Variants in SETX observed in about 807,000 individuals in gnomAD.
SETX encodes the protein senataxin.
Under a neutral mutation model 227.2 loss-of-function variants are expected in SETX, and 90 were observed. That is an observed-to-expected ratio of 0.40 (90% confidence interval 0.33 to 0.47). The LOEUF (loss-of-function observed/expected upper bound fraction) is 0.47, where lower values mean the gene tolerates loss of function less well. Among genes scored for constraint, SETX ranks in the 20% least tolerant of loss-of-function variants. SETX has a pLI of 0.91. For missense variants in SETX, 3,052 were observed against 3,181.5 expected (o/e 0.96, Z 0.98); for synonymous variants, 1,210 against 1,113.2 (o/e 1.09, Z -1.73).
chr9:132,338,574 C>A lies in SETX; in HGVS notation c.499-2059G>T, dbSNP rs1564559376. ...TGCATGACCTCTCCAAAATTGTATT[C>A]TCAGGCTATCACACAAAAATAAAAT... On this transcript the variant is annotated intron_variant, in intron 5 of 25. Coordinates refer to ENST00000224140, the MANE Select transcript of SETX (RefSeq NM_015046.7). 2.0e-5 allele frequency among the ~76,000 whole-genome samples: 3 copies of A among 152,240 alleles called. No homozygotes were observed. The South Asian group carries it at 6.2e-4, about 32-fold the overall frequency.
At chr9:132,320,056 A>C (rs1369394717) in intron 10 of SETX, among the ~76,000 whole-genome samples, 1 of 152,214 alleles carries the variant, frequency 6.6e-6, no homozygotes, top group Non-Finnish European at 1.5e-5. Context: ...GTATCCAATT[A>C]ACACTTTTAT....
rs147888830 is a variant in SETX, at chr9:132,269,309, C to T, written c.7287+306G>A. 694 of 887,092 alleles carry T rather than the reference C, an allele frequency of 7.8e-4. 3 individuals are homozygous for T. The African/African-American group carries it at 0.011, about 14-fold the overall frequency. The allele number at this position is 887,092 out of a possible 1,614,324, so 55.0% of individuals were successfully genotyped here. On this transcript the variant is annotated intron_variant, in intron 25 of 25. Coordinates refer to ENST00000224140, the MANE Select transcript of SETX (RefSeq NM_015046.7). ...ACATTTACTGAGTGTTTACTAAGTG[C>T]CAAGCAATTGCTTTGGCACTTTACA...
At position 132,326,892 on chromosome 9, in the gene SETX, G is replaced by A. The variant is rs1846822737; in HGVS notation, c.4706C>T (p.Ser1569Phe). The change falls in exon 10 of 26, where the codon TCT becomes TTT. Residue 1569 changes from serine to phenylalanine, a missense_variant. This residue lies in a region of SETX where 1,483 missense variants were observed against 1,312.0 expected (regional missense o/e 1.13). Transcript: ENST00000224140. ...KNQGEYCPKH[S>F]EVKAADEDVF... is the part of the protein sequence containing the mutation. Reference sequence around the variant, plus strand: ...ATCTTCATCTGCTGCTTTCACTTCAGAGTGTTTTGGGCAGTATTCACCCTG... The same window carrying A: ...ATCTTCATCTGCTGCTTTCACTTCAAAGTGTTTTGGGCAGTATTCACCCTG... 1.2e-6 allele frequency: 2 copies of A among 1,614,050 alleles called. No individual in the cohort carries two copies.
chr9:132,286,358 G>A, intron 18 of SETX, 65 bp downstream of exon 18: 2 of 1,151,722 alleles, frequency 1.7e-6, no homozygotes, highest in South Asian at 1.3e-5. Context: ...TGTCTGAACA[G>A]TCATACTTAA....
chr9:132,328,022 A>T lies in SETX; in HGVS notation c.3576T>A (p.Asp1192Glu), dbSNP rs1185193. The stretch of plus-strand genomic sequence containing the variant: ...TACTTTTAAAATCATTTCCCACAAG[A>T]TCTCTCTTATTAGTATCAGACTGGC... Reference protein sequence around the residue: ...NEGQSDTNKRDLVGNDFKSID... With the variant: ...NEGQSDTNKRELVGNDFKSID... Residue 1192 changes from aspartate to glutamate, a missense_variant, in exon 10 of 26, where the codon GAT becomes GAA. Coordinates refer to ENST00000224140, the MANE Select transcript of SETX (RefSeq NM_015046.7). The T allele has an allele frequency of 3.7e-6, 6 of 1,613,734 alleles. No homozygotes were observed. Among genetic ancestry groups the T allele is most frequent in the African/African-American group, 2.7e-5 (2 of 74,806 alleles).
chr9:132,298,096 G>A lies in SETX; in HGVS notation c.5765C>T (p.Thr1922Ile), dbSNP rs776905858. 5.0e-6 allele frequency: 8 copies of A among 1,613,050 alleles called. No homozygotes were observed. The highest frequency in any genetic ancestry group is 6.8e-6 in the Non-Finnish European group (8 of 1,179,086). ...MDFCTKDLLT[T>I]TSERIIAYLR... The stretch of plus-strand genomic sequence containing the variant: ...ATCACTCACAATTCTCTCAGATGTT[G>A]TAGTCAGTAAATCTTTTGTACAGAA... Residue 1922 changes from threonine (T) to isoleucine (I), a missense_variant, in exon 13 of 26, where the codon ACA becomes ATA. Physicochemically the swap from Thr to Ile is moderately conservative, Grantham distance 89. Transcript: ENST00000224140.
At chr9:132,313,387 T>G (rs1845782301) in intron 10 of SETX, among the ~76,000 whole-genome samples, 1 of 152,272 alleles carries the variant, frequency 6.6e-6, no homozygotes, top group East Asian at 1.9e-4. Flanking sequence ...GCAGATACTT[T>G]TAGTTTGAAA....
In SETX at chr9:132,341,632, G is replaced by C. The variant is rs998820674; in HGVS notation, c.498+1058C>G. On this transcript the variant is annotated intron_variant, in intron 5 of 25. Transcript: ENST00000224140. ...CGCCCAGGCACTGGTTACAAGACCAGACCTGCTTCCTCCATATGTAAACAG... is the reference window on the plus strand; with the variant it reads ...CGCCCAGGCACTGGTTACAAGACCACACCTGCTTCCTCCATATGTAAACAG... Among the ~76,000 whole-genome samples the C allele has an allele frequency of 3.9e-5, 6 of 152,300 alleles. 2 individuals are homozygous for C.
chr9:132,271,787 C>T lies in SETX; in HGVS notation c.7122G>A (p.Val2374=). The change falls in exon 24 of 26, where the codon GTG becomes GTA. Residue 2374 remains valine (V), a synonymous_variant. Transcript: ENST00000224140. Reference sequence around the variant, plus strand: ...CCTTCTGCCGACCCTGGAATGCATCCACAGTGTCTACTTCTGCTGGTCTAT... The same window carrying T: ...CCTTCTGCCGACCCTGGAATGCATCTACAGTGTCTACTTCTGCTGGTCTAT... ...DRKGPAEVDT[V]DAFQGRQKDC... 5 of 1,613,818 alleles carry T rather than the reference C, an allele frequency of 3.1e-6. No individual in the cohort carries two copies. Among genetic ancestry groups the T allele is most frequent in the Non-Finnish European group, 4.2e-6 (5 of 1,179,778 alleles).
At chr9:132,288,699 A>T (rs764301494) in intron 15 of SETX, 48 bp from the exon 16 acceptor site, 7 of 1,182,658 alleles carry the variant, frequency 5.9e-6, no homozygotes, top group African/African-American at 1.5e-5. Flanking sequence ...ACTGCTGATC[A>T]ATCCTGTCTC....
upstream of SETX, among the ~76,000 whole-genome samples, chr9:132,355,667 C>G (rs1848872044): frequency 6.6e-6 from 1 of 151,906 alleles, no homozygotes. Context: ...TAGCGAGACA[C>G]CCGTATGTAC....
chr9:132,325,021 G>C (rs376971366), intron 10 of SETX, among the ~76,000 whole-genome samples: 1 of 152,170 alleles, frequency 6.6e-6, no homozygotes, highest in East Asian at 1.9e-4. Flanking sequence ...AGGATGTGCT[G>C]GGGTTGGGGA....
At chr9:132,332,007 A>G (rs560153182) in intron 7 of SETX, among the ~76,000 whole-genome samples, 72 of 152,148 alleles carry the variant, frequency 4.7e-4, no homozygotes, top group African/African-American at 1.7e-3. Context: ...GCAAAGATAC[A>G]CTCTTCATCC....
In SETX at chr9:132,264,172, G is replaced by A. The variant is rs1385900517; in HGVS notation, c.*67C>T. On this transcript the variant is annotated 3_prime_UTR_variant, in exon 26 of 26. Transcript: ENST00000224140. ...TACAAAAAACAAGCTTATCTAGATG[G>A]TCCCACGAGCTGGTCATCTTCAGTT... 1.9e-6 allele frequency: 3 copies of A among 1,605,034 alleles called. No individual in the cohort carries two copies. The highest frequency in any genetic ancestry group is 2.5e-6 in the Non-Finnish European group (3 of 1,176,612).
chr9:132,348,929 C>G (rs182541156), intron 3 of SETX, among the ~76,000 whole-genome samples: 1 of 152,128 alleles, frequency 6.6e-6, no homozygotes, highest in Non-Finnish European at 1.5e-5. Flanking sequence ...GACCTTGTCT[C>G]CAAAACATAG....
chr9:132,306,646 T>C (rs1035629884), intron 11 of SETX, among the ~76,000 whole-genome samples: 4 of 152,264 alleles, frequency 2.6e-5, no homozygotes, highest in Non-Finnish European at 5.9e-5. Flanking sequence ...AATTCATCTT[T>C]GTTGATTTAA....
chr9:132,311,763 A>T lies in SETX; in HGVS notation c.5368T>A (p.Phe1790Ile). 6.2e-7 allele frequency: 1 copy of T among 1,609,482 alleles called. No homozygotes were observed. The highest frequency in any genetic ancestry group is 8.5e-7 in the Non-Finnish European group (1 of 1,176,386). ...TGCGTAAGAAAAAACTTACCTGCAA[A>T]CTCCCAGTATTTTATATAATCGGCA... ...FPADYIKYWE[F>I]AVYLEECELA... The change falls in exon 11 of 26, where the codon TTT (phenylalanine) becomes ATT (isoleucine). Residue 1790 changes from phenylalanine to isoleucine, a missense_variant. Transcript: ENST00000224140.
At chr9:132,290,996 T>C (rs896683636) in intron 15 of SETX, among the ~76,000 whole-genome samples, 5 of 152,080 alleles carry the variant, frequency 3.3e-5, no homozygotes, top group Admixed American at 6.6e-5. Flanking sequence ...CCCAAAAGAA[T>C]AGGGTTTTGA....
intron 11 of SETX, among the ~76,000 whole-genome samples, chr9:132,301,124 G>A (rs1022208217): frequency 2.3e-5 from 3 of 132,128 alleles, no homozygotes; most frequent in Admixed American, 9.3e-5. Flanking sequence ...ATGGAGTCTC[G>A]CTGTGTTGCC....
Sources: gnomAD v4.1 joint callset for allele counts (sites outside exome capture counted in the v4.1 genomes callset) on GRCh38, gnomAD v4.1.1 for gene constraint, gnomAD v4.1.1 regional missense constraint, MANE v1.5 for transcripts, NCBI Gene and HGNC (gene_info 2026-07-23, HGNC 2026-07-21) for gene names.